The following CDC5L variants were observed in gnomAD, a reference collection of about 807,000 sequenced individuals.
CDC5L encodes the protein cell division cycle 5 like.
CDC5L carries 18 observed loss-of-function variants against 104.1 expected under a neutral mutation model. The ratio of observed to expected loss-of-function variants is 0.17; its 90% CI spans 0.12 to 0.26. The LOEUF is 0.26. CDC5L is among the 10% of genes least tolerant of loss of function. The pLI is 1.00. For missense variants in CDC5L, 673 were observed against 956.9 expected, an observed-to-expected ratio of 0.70 and a Z score of 3.91; for synonymous variants, 331 against 322.7, an observed-to-expected ratio of 1.03 and a Z score of -0.28.
chr6:44,434,776 T>A (rs1346160192), intron 14 of CDC5L, among the ~76,000 whole-genome samples: 1 of 152,184 alleles, frequency 6.6e-6, no homozygotes, highest in African/African-American at 2.4e-5. Context: ...CTTAACAAAC[T>A]TAGCTTGAAA....
At chr6:44,423,615 C>T (rs941011488) in intron 10 of CDC5L, among the ~76,000 whole-genome samples, 1 of 152,082 alleles carries the variant, frequency 6.6e-6, no homozygotes, top group Non-Finnish European at 1.5e-5. Context: ...ATGGAGACTA[C>T]AATATGAGTA....
At chr6:44,394,888 GTA>G (rs1195808178) in intron 4 of CDC5L, among the ~76,000 whole-genome samples, 15 of 8,546 alleles carry the variant, frequency 1.8e-3, no homozygotes, top group East Asian at 0.029. Flanking sequence ...AAAAAAAATG[GTA>G]TACACACACA....
At chr6:44,412,599 A>G (rs1321105114) in intron 8 of CDC5L, among the ~76,000 whole-genome samples, 1 of 82,948 alleles carries the variant, frequency 1.2e-5, no homozygotes, top group East Asian at 2.1e-4. Context: ...ATTAAAAAAA[A>G]TAGTTTTTTT....
rs571059085 is a variant in CDC5L, at chr6:44,432,357, A to G, written c.2091+2447A>G. 2.0e-5 allele frequency among the ~76,000 whole-genome samples: 3 copies of G among 152,332 alleles called. No individual in the cohort carries two copies. The East Asian group carries it at 5.8e-4, about 29-fold the overall frequency. On this transcript the variant is annotated intron_variant, in intron 14 of 15. Coordinates refer to ENST00000371477, the MANE Select transcript of CDC5L (RefSeq NM_001253.4). ...AATTATCCTTTCCACTCTTAGGTTCAGGAGATAAGCCCTTCTCTGTAAGCA... is the reference window on the plus strand; with the variant it reads ...AATTATCCTTTCCACTCTTAGGTTCGGGAGATAAGCCCTTCTCTGTAAGCA...
intron 8 of CDC5L, among the ~76,000 whole-genome samples, chr6:44,411,637 A>AGAGAGTGTGTGTGTGTGTGT: frequency 0.021 from 2,573 of 123,634 alleles, 94 homozygotes; most frequent in African/African-American, 0.07. Context: ...AGAGAGAGAG[A>AGAGAGTGTGTGTGTGTGTGT]GTGTGTGTGT....
At chr6:44,399,768 C>T (rs1791035513) in intron 5 of CDC5L, among the ~76,000 whole-genome samples, 1 of 152,108 alleles carries the variant, frequency 6.6e-6, no homozygotes, top group Admixed American at 6.5e-5. Context: ...ATTTTCCTGC[C>T]TCAGCCTCCT....
intron 14 of CDC5L, among the ~76,000 whole-genome samples, chr6:44,431,957 A>T: frequency 6.6e-6 from 1 of 151,954 alleles, no homozygotes; most frequent in East Asian, 1.9e-4. Context: ...TCTTTTCTTG[A>T]CTCTTGGATA....
chr6:44,392,661 T>G lies in CDC5L; in HGVS notation c.150-6T>G. 1 of 1,612,712 alleles carries G rather than the reference T, an allele frequency of 6.2e-7. No homozygotes were observed. Among genetic ancestry groups the G allele is most frequent in the East Asian group, 2.2e-5 (1 of 44,832 alleles). On this transcript the variant is annotated splice_region_variant and splice_polypyrimidine_tract_variant and intron_variant, in intron 2 of 15. Coordinates refer to ENST00000371477, the MANE Select transcript of CDC5L (RefSeq NM_001253.4). ...ATTAATATATAAAATGATCTATGTT[T>G]AATAGGTATGAATGGCTGGATCCAA...
intron 2 of CDC5L, among the ~76,000 whole-genome samples, chr6:44,391,643 A>G (rs139163948): frequency 6.6e-6 from 1 of 152,174 alleles, no homozygotes; most frequent in South Asian, 2.1e-4. Flanking sequence ...GTCATGTGGC[A>G]TTAGGAAAAT....
At chr6:44,413,662 A>G (rs1791764433) in intron 8 of CDC5L, among the ~76,000 whole-genome samples, 1 of 151,426 alleles carries the variant, frequency 6.6e-6, no homozygotes, top group African/African-American at 2.4e-5. Flanking sequence ...TGGCTCACCG[A>G]AGCCTTGACC....
chr6:44,404,438 A>G (rs1220205851), intron 6 of CDC5L, among the ~76,000 whole-genome samples: 1 of 152,056 alleles, frequency 6.6e-6, no homozygotes, highest in South Asian at 2.1e-4. Context: ...CCTGGCCTAG[A>G]TTTTTATTAG....
intron 14 of CDC5L, among the ~76,000 whole-genome samples, chr6:44,433,399 A>G (rs1179738896): frequency 1.3e-5 from 2 of 152,252 alleles, no homozygotes; most frequent in Non-Finnish European, 2.9e-5. Flanking sequence ...AAGTGGAAAT[A>G]GGAAATCATC....
At chr6:44,388,632 C>G (rs1790457538) in intron 1 of CDC5L, among the ~76,000 whole-genome samples, 1 of 147,910 alleles carries the variant, frequency 6.8e-6, no homozygotes, top group Non-Finnish European at 1.5e-5. Context: ...CACATCATGT[C>G]TTTTCATGCT....
At chr6:44,388,213 C>G (rs933053295) in intron 1 of CDC5L, among the ~76,000 whole-genome samples, 1 of 140,852 alleles carries the variant, frequency 7.1e-6, no homozygotes, top group East Asian at 2.2e-4. Context: ...GTTGGTCCCC[C>G]GGGGCACCAT....
At chr6:44,417,985 A>G (rs1223397460) in intron 8 of CDC5L, among the ~76,000 whole-genome samples, 2 of 152,088 alleles carry the variant, frequency 1.3e-5, no homozygotes, top group Non-Finnish European at 2.9e-5. Context: ...GATGTATAAA[A>G]CTTCTTTTTA....
At chr6:44,406,513 T>C (rs765393427) in intron 7 of CDC5L, 46 bp downstream of exon 7, 1 of 1,513,528 alleles carries the variant, frequency 6.6e-7, no homozygotes, top group East Asian at 2.3e-5. Flanking sequence ...TTTATATGCT[T>C]ATATCATTTA....
chr6:44,409,821 C>T (rs938897734), intron 8 of CDC5L, among the ~76,000 whole-genome samples: 1 of 152,092 alleles, frequency 6.6e-6, no homozygotes, highest in Non-Finnish European at 1.5e-5. Flanking sequence ...CCCTTGGATC[C>T]CCTCTTTCCA....
At chr6:44,402,028 C>T (rs1791153891) in intron 5 of CDC5L, among the ~76,000 whole-genome samples, 2 of 136,270 alleles carry the variant, frequency 1.5e-5, no homozygotes, top group African/African-American at 2.8e-5. Context: ...TGTATATGTG[C>T]CACATTTTCT....
chr6:44,414,106 G>T (rs1791791124), intron 8 of CDC5L, among the ~76,000 whole-genome samples: 1 of 152,120 alleles, frequency 6.6e-6, no homozygotes, highest in African/African-American at 2.4e-5. Context: ...TTGAGACAGG[G>T]TCTTGCTCTG....
Sources: allele counts gnomAD v4.1 joint callset (sites outside exome capture counted in the v4.1 genomes callset), GRCh38; gene constraint gnomAD v4.1.1; transcripts MANE v1.5; gene names NCBI Gene and HGNC (gene_info 2026-07-23, HGNC 2026-07-21).